NPAS3: variants seen among roughly 807,000 people sequenced by gnomAD.
NPAS3 encodes neuronal PAS domain protein 3.
A neutral mutation model predicts 73.1 loss-of-function variants in NPAS3; 14 were observed. The observed-to-expected ratio is 0.19, with a 90% CI of 0.13 to 0.30. The LOEUF (loss-of-function observed/expected upper bound fraction) is 0.30. NPAS3 is among the 10% of genes least tolerant of loss of function. The probability of loss-of-function intolerance (pLI) is 1.00; values close to 1 mark genes in which losing one functional copy is unlikely to be tolerated. For synonymous variants in NPAS3, 620 were observed against 541.5 expected (o/e 1.14, Z -2.01); for missense variants, 1,096 against 1,250.0 (o/e 0.88, Z 1.86).
intron 6 of NPAS3, among the ~76,000 whole-genome samples, chr14:33,717,234 A>G (rs2140523104): frequency 6.6e-6 from 1 of 150,664 alleles, no homozygotes; most frequent in South Asian, 2.1e-4. Flanking sequence ...CATGGCCAAA[A>G]AAAAAAAAAA....
At chr14:33,479,521 C>A (rs1456419064) in intron 4 of NPAS3, among the ~76,000 whole-genome samples, 1 of 152,062 alleles carries the variant, frequency 6.6e-6, no homozygotes, top group Non-Finnish European at 1.5e-5. Context: ...AACAAGTTAC[C>A]CCCAAAGGAA....
At chr14:33,433,014 G>A (rs115763497) in intron 4 of NPAS3, among the ~76,000 whole-genome samples, 94 of 152,134 alleles carry the variant, frequency 6.2e-4, no homozygotes, top group African/African-American at 2.2e-3. Flanking sequence ...AGAAATCTTT[G>A]CTTTTACCAT....
At chr14:33,578,935 A>G in intron 5 of NPAS3, among the ~76,000 whole-genome samples, 1 of 152,270 alleles carries the variant, frequency 6.6e-6, no homozygotes, top group East Asian at 1.9e-4. Context: ...AGCAGGAAGT[A>G]GAAATGAACT....
chr14:33,271,073 CTGTT>C (rs2041054055), intron 3 of NPAS3, among the ~76,000 whole-genome samples: 1 of 152,172 alleles, frequency 6.6e-6, no homozygotes, highest in African/African-American at 2.4e-5. Flanking sequence ...GAGAAACCGT[CTGTT>C]TGTGTGCTTA....
intron 2 of NPAS3, among the ~76,000 whole-genome samples, chr14:33,137,871 T>C (rs769367110): frequency 7.2e-5 from 11 of 152,150 alleles, no homozygotes; most frequent in Non-Finnish European, 1.0e-4. Flanking sequence ...TGGAATTCTG[T>C]TGTGAAATAG....
chr14:33,210,425 C>A (rs945397960), intron 2 of NPAS3, among the ~76,000 whole-genome samples: 2 of 152,122 alleles, frequency 1.3e-5, no homozygotes, highest in Non-Finnish European at 2.9e-5. Context: ...CATGATTTGA[C>A]CTTGCCCCCA....
chr14:33,574,165 C>G (rs1476796029), intron 5 of NPAS3, among the ~76,000 whole-genome samples: 1 of 152,102 alleles, frequency 6.6e-6, no homozygotes, highest in African/African-American at 2.4e-5. Flanking sequence ...CAAGAACAAC[C>G]TGCAGTTTCA....
chr14:33,522,639 C>T lies in NPAS3; in HGVS notation c.469-37482C>T, dbSNP rs188210336. Among the ~76,000 whole-genome samples the T allele has an allele frequency of 2.0e-3, 298 of 152,128 alleles. 1 individual carries two copies. Among genetic ancestry groups the T allele is most frequent in the African/African-American group, 6.9e-3 (287 of 41,500 alleles). ...GACAAAGACATTGGGGACCGGAAAA[C>T]CACATTTAAGACTGTGTTAATTGTC... On this transcript the variant is annotated intron_variant, in intron 4 of 11. Coordinates refer to ENST00000356141, the Ensembl canonical transcript of NPAS3.
intron 3 of NPAS3, among the ~76,000 whole-genome samples, chr14:33,265,876 A>G (rs369544163): frequency 3.3e-5 from 5 of 152,066 alleles, no homozygotes; most frequent in Admixed American, 3.3e-4. Flanking sequence ...GATTTCCTTT[A>G]TTAGTGGCAC....
chr14:33,618,168 A>G (rs2057976518), intron 5 of NPAS3, among the ~76,000 whole-genome samples: 1 of 152,196 alleles, frequency 6.6e-6, no homozygotes, highest in Non-Finnish European at 1.5e-5. Context: ...TTTTGGCACC[A>G]GGAACCAGTT....
chr14:33,637,479 A>G (rs1031163347), intron 5 of NPAS3, among the ~76,000 whole-genome samples: 13 of 152,192 alleles, frequency 8.5e-5, no homozygotes, highest in Admixed American at 7.9e-4. Flanking sequence ...TTCTAAGCTT[A>G]TAAAGCACTA....
At chr14:33,140,990 C>A (rs533566933) in intron 2 of NPAS3, among the ~76,000 whole-genome samples, 1 of 152,136 alleles carries the variant, frequency 6.6e-6, no homozygotes, top group Non-Finnish European at 1.5e-5. Context: ...CAAACAATGG[C>A]GGAGCATCAG....
chr14:33,764,288 T>C (rs2062390827), intron 7 of NPAS3, among the ~76,000 whole-genome samples: 2 of 152,166 alleles, frequency 1.3e-5, no homozygotes, highest in African/African-American at 4.8e-5. Flanking sequence ...CAGTTTAGTG[T>C]CTGTGTCCAA....
chr14:33,377,598 C>A (rs1056583056), intron 4 of NPAS3, among the ~76,000 whole-genome samples: 5 of 152,168 alleles, frequency 3.3e-5, no homozygotes, highest in Non-Finnish European at 5.9e-5. Flanking sequence ...ATGGCAGATA[C>A]GTATCCACGG....
chr14:33,433,122 A>G (rs2048848823), intron 4 of NPAS3, among the ~76,000 whole-genome samples: 1 of 152,204 alleles, frequency 6.6e-6, no homozygotes, highest in African/African-American at 2.4e-5. Flanking sequence ...AGAAACTTGC[A>G]AATGTCAGAA....
intron 7 of NPAS3, among the ~76,000 whole-genome samples, chr14:33,738,205 G>A (rs1207719749): frequency 6.6e-6 from 1 of 152,088 alleles, no homozygotes; most frequent in Non-Finnish European, 1.5e-5. Flanking sequence ...TGATGAAACT[G>A]AGGTCTTAAT....
intron 5 of NPAS3, among the ~76,000 whole-genome samples, chr14:33,600,243 T>C (rs1489150325): frequency 1.3e-5 from 2 of 152,238 alleles, no homozygotes; most frequent in Non-Finnish European, 2.9e-5. Flanking sequence ...TGCCATTAGC[T>C]GACTTTATGA....
At chr14:33,475,601 T>C (rs985295958) in intron 4 of NPAS3, among the ~76,000 whole-genome samples, 3 of 150,670 alleles carry the variant, frequency 2.0e-5, no homozygotes, top group Non-Finnish European at 4.4e-5. Context: ...GAGCAGATAC[T>C]AGTTCAAGAA....
rs375797854 is a variant in NPAS3, at chr14:33,554,172, G to A, written c.469-5949G>A. Reference sequence around the variant, plus strand: ...CTAACCCATTGCTTACGGAATGGAGGCAGTTTTCTCACAGAGCCTCTCCTT... The same window carrying A: ...CTAACCCATTGCTTACGGAATGGAGACAGTTTTCTCACAGAGCCTCTCCTT... On this transcript the variant is annotated intron_variant, in intron 4 of 11. Transcript: ENST00000356141. 3.3e-5 allele frequency among the ~76,000 whole-genome samples: 5 copies of A among 152,320 alleles called. No homozygotes were observed. In the East Asian group the frequency reaches 9.7e-4, roughly 29 times the overall value.
Sources: gnomAD v4.1 joint callset for allele counts (sites outside exome capture counted in the v4.1 genomes callset) on GRCh38, gnomAD v4.1.1 for gene constraint, MANE v1.5 for transcripts, NCBI Gene and HGNC (gene_info 2026-07-23, HGNC 2026-07-21) for gene names.